Variants in IKBKB observed in about 807,000 individuals in gnomAD.
IKBKB encodes the protein inhibitor of nuclear factor kappa-B kinase subunit beta.
A neutral mutation model predicts 113.6 loss-of-function variants in IKBKB; 42 were observed. The observed-to-expected ratio is 0.37, with a 90% CI of 0.29 to 0.48. The LOEUF is 0.48. IKBKB is among the 20% of genes least tolerant of loss of function. The pLI is 0.99. For synonymous variants in IKBKB, 296 were observed against 361.3 expected, an observed-to-expected ratio of 0.82 and a Z score of 2.05; for missense variants, 673 against 939.7, an observed-to-expected ratio of 0.72 and a Z score of 3.71.
intron 7 of IKBKB, among the ~76,000 whole-genome samples, chr8:42,306,656 C>A (rs1332117988): frequency 6.6e-6 from 1 of 152,226 alleles, no homozygotes; most frequent in African/African-American, 2.4e-5. Context: ...GGGCTCTGCT[C>A]ATGCGCCTTG....
chr8:42,282,786 A>C (rs1488539266), intron 2 of IKBKB, among the ~76,000 whole-genome samples: 2 of 152,204 alleles, frequency 1.3e-5, no homozygotes, highest in Non-Finnish European at 2.9e-5. Flanking sequence ...TAACAAAGTC[A>C]TTCTGTTTGC....
chr8:42,272,793 G>C (rs183690351), intron 2 of IKBKB, among the ~76,000 whole-genome samples: 294 of 152,040 alleles, frequency 1.9e-3, no homozygotes, highest in Non-Finnish European at 3.0e-3. Flanking sequence ...CAAAGAATTA[G>C]CCAGGCTTGG....
At position 42,316,093 on chromosome 8, in the gene IKBKB, C is replaced by A; in HGVS notation, c.801-117C>A. 1 of 1,079,434 alleles carries A rather than the reference C, an allele frequency of 9.3e-7. No individual in the cohort carries two copies. Among genetic ancestry groups the A allele is most frequent in the East Asian group, 2.5e-5 (1 of 39,576 alleles). 66.9% of individuals were successfully genotyped at this position (1,079,434 alleles called of 1,614,324 possible). ...ATGTTTATACTGTTTCTGATAAACCCATTTTCATTTTCAATCACCGTCTAC... is the reference window on the plus strand; with the variant it reads ...ATGTTTATACTGTTTCTGATAAACCAATTTTCATTTTCAATCACCGTCTAC... On this transcript the variant is annotated intron_variant, in intron 9 of 21. Transcript: ENST00000520810. The surrounding 1 kb of genome is among the most constrained non-coding windows in gnomAD (Gnocchi z 4.5).
At chr8:42,326,830 A>G (rs899399543) in intron 20 of IKBKB, among the ~76,000 whole-genome samples, 1 of 152,128 alleles carries the variant, frequency 6.6e-6, no homozygotes, top group African/African-American at 2.4e-5. Context: ...AGCACACTGC[A>G]GGCCACTTCT....
At chr8:42,300,094 C>T (rs1023979473) in intron 5 of IKBKB, among the ~76,000 whole-genome samples, 2 of 152,212 alleles carry the variant, frequency 1.3e-5, no homozygotes, top group Non-Finnish European at 2.9e-5. Flanking sequence ...GCACTTTCGC[C>T]TTGGCACCCA....
intron 2 of IKBKB, among the ~76,000 whole-genome samples, chr8:42,284,581 C>CAA (rs1167704705): frequency 3.2e-5 from 3 of 94,178 alleles, no homozygotes; most frequent in African/African-American, 3.8e-5. Context: ...GACTCCGTCT[C>CAA]AAAAAAAAAA....
At chr8:42,319,524 T>A (rs773898233) in intron 14 of IKBKB, 61 bp from the exon 15 acceptor site, 12 of 1,584,506 alleles carry the variant, frequency 7.6e-6, no homozygotes, top group Non-Finnish European at 1.0e-5. Context: ...TTATTTCTGT[T>A]TCAGTTTTGT....
chr8:42,274,847 C>CGA (rs1430536242), intron 2 of IKBKB, among the ~76,000 whole-genome samples: 4 of 136,458 alleles, frequency 2.9e-5, no homozygotes, highest in Non-Finnish European at 6.2e-5. Flanking sequence ...TGGGAACTAC[C>CGA]GAGCCTGGAC....
chr8:42,272,265 C>T, intron 2 of IKBKB, 60 bp downstream of exon 2: 4 of 1,610,688 alleles, frequency 2.5e-6, no homozygotes, highest in Non-Finnish European at 3.4e-6. Flanking sequence ...TCACTGCCTC[C>T]ACTTTCTCTG....
At chr8:42,280,446 G>A (rs775972354) in intron 2 of IKBKB, among the ~76,000 whole-genome samples, 62 of 150,628 alleles carry the variant, frequency 4.1e-4, no homozygotes, top group Non-Finnish European at 2.5e-4. Context: ...GGAGATAACC[G>A]AGTGCTCCCA....
chr8:42,281,434 C>T (rs1297621804), intron 2 of IKBKB, among the ~76,000 whole-genome samples: 1 of 152,192 alleles, frequency 6.6e-6, no homozygotes, highest in Non-Finnish European at 1.5e-5. Flanking sequence ...TCTATCGCAC[C>T]TTTACCAGGC....
At chr8:42,330,138 A>G in intron 21 of IKBKB, 1 of 985,396 alleles carries the variant, frequency 1.0e-6, no homozygotes, top group Non-Finnish European at 1.2e-6. Flanking sequence ...CATAACTGAG[A>G]TTAGCTACCC....
At chr8:42,272,576 C>G (rs1158106454) in intron 2 of IKBKB, 2 of 333,384 alleles carry the variant, frequency 6.0e-6, no homozygotes. Flanking sequence ...ATTTTAATTC[C>G]TTGAGGCCAG....
intron 5 of IKBKB, 128 bp from the exon 6 acceptor site, chr8:42,305,059 C>G (rs1194326691): frequency 3.0e-6 from 2 of 669,854 alleles, no homozygotes; most frequent in Non-Finnish European, 5.4e-6. Context: ...GCCCTCCACC[C>G]TGAGGTATTG....
chr8:42,319,752 G>C (rs1345588366), intron 15 of IKBKB, 106 bp downstream of exon 15: 1 of 976,602 alleles, frequency 1.0e-6, no homozygotes, highest in Admixed American at 2.6e-5. Context: ...TCAAAAATCA[G>C]GTGTTCCTCA....
chr8:42,329,434 T>C (rs1585842776), intron 21 of IKBKB: 1 of 901,542 alleles, frequency 1.1e-6, no homozygotes, highest in East Asian at 7.4e-5. Flanking sequence ...GTGATTCTCA[T>C]GCCTCAGCCT....
chr8:42,315,396 G>A (rs1818481596), intron 9 of IKBKB, among the ~76,000 whole-genome samples: 1 of 152,184 alleles, frequency 6.6e-6, no homozygotes, highest in Non-Finnish European at 1.5e-5. Context: ...TAGATGAAGA[G>A]AAAGGAGGAA....
At chr8:42,286,321 T>C (rs1056733445) in intron 2 of IKBKB, among the ~76,000 whole-genome samples, 3 of 152,156 alleles carry the variant, frequency 2.0e-5, no homozygotes, top group African/African-American at 7.2e-5. Context: ...ATTAGACAGC[T>C]TCTGGTGTAT....
chr8:42,306,331 C>T lies in IKBKB; in HGVS notation c.478-12C>T, dbSNP rs1209365791. 1.3e-6 allele frequency: 2 copies of T among 1,557,860 alleles called. No homozygotes were observed. Among genetic ancestry groups the T allele is most frequent in the East Asian group, 2.2e-5 (1 of 44,594 alleles). ...CTTATAACCCTCAGCTTTCTCCTTC[C>T]TTTTGTTTTAGTTAATACACAAAAT... On this transcript the variant is annotated splice_polypyrimidine_tract_variant and intron_variant, in intron 6 of 21. Transcript: ENST00000520810.
Sources: allele counts gnomAD v4.1 joint callset (sites outside exome capture counted in the v4.1 genomes callset), GRCh38; gene constraint gnomAD v4.1.1; non-coding constraint Gnocchi (gnomAD v3.1); transcripts MANE v1.5; gene names NCBI Gene and HGNC (gene_info 2026-07-23, HGNC 2026-07-21).